Variants in GPC3 observed in about 807,000 individuals in gnomAD.
The protein encoded by GPC3 is glypican-3.
Under a neutral mutation model 34.4 loss-of-function variants are expected in GPC3, and 3 were observed. The ratio of observed to expected loss-of-function variants is 0.09; its 90% confidence interval spans 0.04 to 0.23. GPC3 has a LOEUF of 0.23. Ranked by LOEUF, GPC3 falls within the 10% of genes least tolerant of loss-of-function variation. The pLI is 1.00. For missense variants in GPC3, 351 were observed against 445.6 expected, an observed-to-expected ratio of 0.79 and a Z score of 1.91; for synonymous variants, 177 against 174.0, an observed-to-expected ratio of 1.02 and a Z score of -0.13.
chrX:133,894,878 CACTGTAGTT>C (rs2076105041), intron 2 of GPC3, among the ~76,000 whole-genome samples: 1 of 111,793 alleles, frequency 8.9e-6, no homozygotes, highest in East Asian at 2.8e-4. Context: ...AAAAGTGAGA[CACTGTAGTT>C]ACATGGAAGC....
At chrX:133,905,521 T>C (rs770144696) in intron 2 of GPC3, among the ~76,000 whole-genome samples, 4 of 111,683 alleles carry the variant, frequency 3.6e-5, no homozygotes, top group Non-Finnish European at 7.5e-5. Flanking sequence ...AGAATACCCA[T>C]CCCCGGGAGA....
At chrX:133,938,476 T>C (rs745943533) in intron 2 of GPC3, among the ~76,000 whole-genome samples, 1 of 112,239 alleles carries the variant, frequency 8.9e-6, no homozygotes, top group East Asian at 2.8e-4. Flanking sequence ...GCAAAGCTCA[T>C]TGTAATTAGC....
intron 5 of GPC3, chrX:133,670,870 G>A (rs2070819893): frequency 3.4e-6 from 1 of 293,296 alleles, no homozygotes; most frequent in East Asian, 6.3e-5. Context: ...TTGTAAATGT[G>A]CTTAATAAAG....
At chrX:133,863,606 C>CAA (rs1246381632) in intron 2 of GPC3, among the ~76,000 whole-genome samples, 2 of 105,494 alleles carry the variant, frequency 1.9e-5, no homozygotes, top group African/African-American at 3.6e-5. Context: ...AACATCAACA[C>CAA]ACACACACAC....
intron 6 of GPC3, among the ~76,000 whole-genome samples, chrX:133,619,967 TC>T (rs111620735): frequency 2.7e-5 from 3 of 110,482 alleles, no homozygotes; most frequent in African/African-American, 9.9e-5. Context: ...ATGCCTGTAA[TC>T]CCAGCACTTT....
chrX:133,904,610 C>T (rs1483209213), intron 2 of GPC3, among the ~76,000 whole-genome samples: 2 of 111,461 alleles, frequency 1.8e-5, no homozygotes, highest in Non-Finnish European at 3.8e-5. Context: ...AATACATCCC[C>T]GTCAATAGTA....
chrX:133,823,079 A>G (rs1321068206), intron 2 of GPC3, among the ~76,000 whole-genome samples: 1 of 96,375 alleles, frequency 1.0e-5, no homozygotes, highest in East Asian at 3.5e-4. Flanking sequence ...CAGTAAGCCA[A>G]GATCACGCCA....
intron 1 of GPC3, among the ~76,000 whole-genome samples, chrX:133,973,185 C>A (rs755021035): frequency 1.3e-4 from 14 of 111,832 alleles, no homozygotes; most frequent in Non-Finnish European, 2.3e-4. Context: ...AAGTCAAATA[C>A]TTTATATCCA....
chrX:133,615,220 A>C (rs1018362622), intron 6 of GPC3, among the ~76,000 whole-genome samples: 1 of 111,501 alleles, frequency 9.0e-6, no homozygotes, highest in East Asian at 2.8e-4. Context: ...CTAACACTAA[A>C]ACCAGGCAAA....
intron 2 of GPC3, among the ~76,000 whole-genome samples, chrX:133,775,238 TTAC>T (rs1409005495): frequency 1.8e-5 from 2 of 111,685 alleles, no homozygotes; most frequent in East Asian, 5.6e-4. Context: ...TTTTTTTTTT[TTAC>T]TACATTTATA....
At chrX:133,792,189 CTTAT>C (rs2072172418) in intron 2 of GPC3, among the ~76,000 whole-genome samples, 3 of 110,829 alleles carry the variant, frequency 2.7e-5, no homozygotes, top group African/African-American at 6.6e-5. Context: ...TTAAATTTGC[CTTAT>C]TTATTTATTT....
chrX:133,923,932 C>T (rs1453878341), intron 2 of GPC3, among the ~76,000 whole-genome samples: 1 of 111,588 alleles, frequency 9.0e-6, no homozygotes, highest in African/African-American at 3.3e-5. Context: ...AAATGGCAGT[C>T]CTGAGATGTT....
intron 2 of GPC3, among the ~76,000 whole-genome samples, chrX:133,903,411 C>T (rs894185817): frequency 3.6e-5 from 4 of 110,270 alleles, no homozygotes; most frequent in Admixed American, 9.7e-5. Flanking sequence ...CATGGTGAGA[C>T]CCCGTCTCTA....
chrX:133,903,752 A>G (rs951003790), intron 2 of GPC3, among the ~76,000 whole-genome samples: 1 of 112,247 alleles, frequency 8.9e-6, no homozygotes, highest in African/African-American at 3.2e-5. Flanking sequence ...GCTGACTTGT[A>G]TCATTCCCAC....
intron 2 of GPC3, among the ~76,000 whole-genome samples, chrX:133,950,446 T>C (rs1198463824): frequency 2.7e-5 from 3 of 111,852 alleles, no homozygotes; most frequent in Non-Finnish European, 5.6e-5. Context: ...TGTGGACTAG[T>C]GAAGGAATAC....
chrX:133,765,239 A>T (rs1432000082), intron 2 of GPC3, among the ~76,000 whole-genome samples: 5 of 112,521 alleles, frequency 4.4e-5, no homozygotes, highest in Non-Finnish European at 7.5e-5. Context: ...ACCAAAAAAA[A>T]TCACTAACAT....
intron 3 of GPC3, among the ~76,000 whole-genome samples, chrX:133,706,043 G>A (rs756381082): frequency 1.3e-4 from 14 of 111,356 alleles, no homozygotes; most frequent in Non-Finnish European, 2.4e-4. Context: ...CAAAATCTTC[G>A]GTAATTCCTA....
At chrX:133,590,749 G>A (rs1254220572) in intron 7 of GPC3, among the ~76,000 whole-genome samples, 1 of 111,668 alleles carries the variant, frequency 9.0e-6, no homozygotes. Flanking sequence ...TTAGAATGGG[G>A]AAAATGAGAT....
At chrX:133,845,730 T>C (rs1486829412) in intron 2 of GPC3, among the ~76,000 whole-genome samples, 1 of 112,409 alleles carries the variant, frequency 8.9e-6, no homozygotes, top group Non-Finnish European at 1.9e-5. Context: ...TAAAGGATGC[T>C]GTACAATTAA....
Sources: gnomAD v4.1 joint callset for allele counts (sites outside exome capture counted in the v4.1 genomes callset) on GRCh38, gnomAD v4.1.1 for gene constraint, MANE v1.5 for transcripts, NCBI Gene and HGNC (gene_info 2026-07-23, HGNC 2026-07-21) for gene names.